Variants in ARHGAP18 observed in about 807,000 individuals in gnomAD.
ARHGAP18 encodes Rho GTPase activating protein 18, also known as rho GTPase-activating protein 18.
ARHGAP18 carries 67 observed loss-of-function variants against 86.2 expected under a neutral mutation model. The ratio of observed to expected loss-of-function variants is 0.78; its 90% CI spans 0.64 to 0.95. The LOEUF is 0.95. ARHGAP18 is among the 40% of genes least tolerant of loss of function. ARHGAP18 has a pLI of 0.00. For synonymous variants in ARHGAP18, 283 were observed against 280.4 expected (o/e 1.01, Z -0.09); for missense variants, 691 against 780.4 (o/e 0.89, Z 1.37).
rs914475827 is a variant in ARHGAP18, at chr6:129,656,576, G to A, written c.114-14558C>T. ...GAATCGCTTGAAGAACCCGGGAGGCGGAGGTTGCAGTGAGCCGAGATCGCA... is the reference window on the plus strand; with the variant it reads ...GAATCGCTTGAAGAACCCGGGAGGCAGAGGTTGCAGTGAGCCGAGATCGCA... On this transcript the variant is annotated intron_variant, in intron 1 of 14. Transcript: ENST00000368149. Among the ~76,000 whole-genome samples, 19 of 152,166 alleles carry A rather than the reference G, an allele frequency of 1.2e-4. No homozygotes were observed. In the East Asian group the frequency reaches 1.4e-3, roughly 11 times the overall value.
intron 3 of ARHGAP18, among the ~76,000 whole-genome samples, chr6:129,636,278 T>G (rs888561320): frequency 6.6e-6 from 1 of 152,194 alleles, no homozygotes; most frequent in Non-Finnish European, 1.5e-5. Flanking sequence ...AAATTGGTCA[T>G]GCAAAGAGAG....
At chr6:129,597,794 C>A (rs1457935262) in intron 12 of ARHGAP18, among the ~76,000 whole-genome samples, 1 of 151,832 alleles carries the variant, frequency 6.6e-6, no homozygotes, top group Non-Finnish European at 1.5e-5. Flanking sequence ...ATTTAAATCC[C>A]AAGCTTTAAA....
intron 1 of ARHGAP18, among the ~76,000 whole-genome samples, chr6:129,654,032 G>A (rs1354135207): frequency 6.6e-6 from 1 of 152,062 alleles, no homozygotes; most frequent in East Asian, 1.9e-4. Context: ...GACAGAGCGA[G>A]ACCCTGTCTG....
chr6:129,625,472 ATTT>A (rs1789385632), intron 5 of ARHGAP18, among the ~76,000 whole-genome samples: 1 of 39,364 alleles, frequency 2.5e-5, no homozygotes, highest in Non-Finnish European at 4.9e-5. Flanking sequence ...TATAATATAT[ATTT>A]TATATTATAT....
intron 7 of ARHGAP18, among the ~76,000 whole-genome samples, chr6:129,615,754 A>T (rs1789085247): frequency 1.3e-5 from 2 of 152,194 alleles, no homozygotes; most frequent in Non-Finnish European, 2.9e-5. Context: ...CAAGTGACTT[A>T]ACAGTTTAGC....
intron 5 of ARHGAP18, among the ~76,000 whole-genome samples, chr6:129,623,053 C>CA (rs138522937): frequency 0.068 from 9,145 of 135,040 alleles, 785 homozygotes; most frequent in African/African-American, 0.2. Flanking sequence ...TAAAAATTTT[C>CA]AAAAAAAAAT....
intron 7 of ARHGAP18, among the ~76,000 whole-genome samples, chr6:129,615,381 T>C (rs780538269): frequency 2.0e-5 from 3 of 152,076 alleles, no homozygotes; most frequent in South Asian, 2.1e-4. Context: ...GTGGTAGATA[T>C]GAGGGGAAAA....
chr6:129,675,516 C>G (rs1024956856), intron 1 of ARHGAP18, among the ~76,000 whole-genome samples: 2 of 152,114 alleles, frequency 1.3e-5, no homozygotes, highest in African/African-American at 4.8e-5. Flanking sequence ...GGAGCCTTCA[C>G]ATTCCATTAT....
chr6:129,647,508 G>GT (rs1773604776), intron 1 of ARHGAP18, among the ~76,000 whole-genome samples: 1 of 151,954 alleles, frequency 6.6e-6, no homozygotes, highest in Non-Finnish European at 1.5e-5. Context: ...GTTTTGTTTT[G>GT]TTTTCTTATA....
rs1263796006 is a variant in ARHGAP18, at chr6:129,629,436, A to T, written c.703T>A (p.Ser235Thr). ...TGATTGAGTGCTTGCTCGGCAAATG[A>T]TACCTCCAGGTTGATGTCTGTTTCA... ...APETDINLEV[S>T]FAEQALNQKE... The change falls in exon 5 of 15, where the codon TCA becomes ACA. Residue 235 changes from serine to threonine, a missense_variant. Physicochemically the swap from Ser to Thr is moderately conservative, Grantham distance 58. Coordinates refer to ENST00000368149, the MANE Select transcript of ARHGAP18 (RefSeq NM_033515.3). 1 of 1,613,722 alleles carries T rather than the reference A, an allele frequency of 6.2e-7. No homozygotes were observed. Among genetic ancestry groups the T allele is most frequent in the African/African-American group, 1.3e-5 (1 of 74,834 alleles).
At chr6:129,638,007 T>C (rs942144671) in intron 3 of ARHGAP18, among the ~76,000 whole-genome samples, 1 of 152,154 alleles carries the variant, frequency 6.6e-6, no homozygotes, top group East Asian at 1.9e-4. Context: ...TAGGGAAAAA[T>C]CAAATATTCC....
At chr6:129,581,751 G>A (rs962350886) in intron 13 of ARHGAP18, among the ~76,000 whole-genome samples, 6 of 152,116 alleles carry the variant, frequency 3.9e-5, no homozygotes, top group African/African-American at 1.4e-4. Flanking sequence ...TGACGAGGTG[G>A]GGGAGAAAAA....
chr6:129,585,027 T>A lies in ARHGAP18; in HGVS notation c.1714-915A>T, dbSNP rs1025794161. Among the ~76,000 whole-genome samples, 893 of 152,070 alleles carry A rather than the reference T, an allele frequency of 5.9e-3. 8 individuals are homozygous for A. Among genetic ancestry groups the A allele is most frequent in the African/African-American group, 0.021 (854 of 41,474 alleles). The stretch of plus-strand genomic sequence containing the variant: ...TGCCCACAATATCATGTCCTTTTTT[T>A]TTTTTTTTTAATGTACATGGTCTTG... On this transcript the variant is annotated intron_variant, in intron 12 of 14. Coordinates refer to ENST00000368149, the MANE Select transcript of ARHGAP18 (RefSeq NM_033515.3).
intron 1 of ARHGAP18, among the ~76,000 whole-genome samples, chr6:129,686,243 G>A (rs1021546318): frequency 1.0e-4 from 13 of 128,108 alleles, no homozygotes; most frequent in South Asian, 2.4e-4. Context: ...GAACTCCCAC[G>A]CTCCCAAACC....
intron 1 of ARHGAP18, among the ~76,000 whole-genome samples, chr6:129,663,210 A>G (rs138534478): frequency 0.014 from 2,142 of 152,312 alleles, 60 homozygotes; most frequent in African/African-American, 0.048. Flanking sequence ...TAGAGCTGAA[A>G]CGACCCTAGA....
chr6:129,669,790 A>G (rs564683309), intron 1 of ARHGAP18, among the ~76,000 whole-genome samples: 1 of 152,090 alleles, frequency 6.6e-6, no homozygotes, highest in Non-Finnish European at 1.5e-5. Flanking sequence ...CTCAAAAAAA[A>G]AAATAAATAA....
chr6:129,631,685 A>C (rs983485175), intron 4 of ARHGAP18, among the ~76,000 whole-genome samples: 1 of 151,982 alleles, frequency 6.6e-6, no homozygotes, highest in Non-Finnish European at 1.5e-5. Context: ...TAAGTTTTTC[A>C]GTTGTCCAAA....
chr6:129,660,111 G>A (rs1368449341), intron 1 of ARHGAP18, among the ~76,000 whole-genome samples: 1 of 152,170 alleles, frequency 6.6e-6, no homozygotes, highest in Non-Finnish European at 1.5e-5. Flanking sequence ...TAAGGCTGCC[G>A]CCAAATCCTG....
chr6:129,697,045 A>G (rs1017133975), intron 1 of ARHGAP18, among the ~76,000 whole-genome samples: 5 of 152,212 alleles, frequency 3.3e-5, no homozygotes, highest in African/African-American at 1.2e-4. Context: ...AGGTCATGAG[A>G]AGCCTGGTAG....
Sources: gnomAD v4.1 joint callset for allele counts (sites outside exome capture counted in the v4.1 genomes callset) on GRCh38, gnomAD v4.1.1 for gene constraint, MANE v1.5 for transcripts, NCBI Gene and HGNC (gene_info 2026-07-23, HGNC 2026-07-21) for gene names.